TSHZ3: variants seen among roughly 807,000 people sequenced by gnomAD.
TSHZ3 encodes the protein teashirt homolog 3.
TSHZ3 carries 10 observed loss-of-function variants against 64.5 expected under a neutral mutation model. The ratio of observed to expected loss-of-function variants is 0.16; its 90% CI spans 0.10 to 0.26. The LOEUF is 0.26. TSHZ3 is among the 10% of genes least tolerant of loss of function. TSHZ3 has a pLI of 1.00. For synonymous variants in TSHZ3, 608 were observed against 593.1 expected, an observed-to-expected ratio of 1.03 and a Z score of -0.36; for missense variants, 1,242 against 1,421.7, an observed-to-expected ratio of 0.87 and a Z score of 2.03.
At chr19:31,317,933 T>C (rs1916651134) in intron 1 of TSHZ3, among the ~76,000 whole-genome samples, 2 of 152,214 alleles carry the variant, frequency 1.3e-5, no homozygotes, top group Non-Finnish European at 2.9e-5. Flanking sequence ...TGTGTGAACA[T>C]TCGGCTGCAG....
chr19:31,295,707 A>G (rs1183356095), intron 1 of TSHZ3, among the ~76,000 whole-genome samples: 3 of 152,058 alleles, frequency 2.0e-5, no homozygotes, highest in African/African-American at 7.2e-5. Flanking sequence ...TCACCTGGGG[A>G]AAATTCCACC....
At chr19:31,201,614 G>A (rs1297348952) in intron 5 of TSHZ3, among the ~76,000 whole-genome samples, 1 of 152,174 alleles carries the variant, frequency 6.6e-6, no homozygotes, top group Non-Finnish European at 1.5e-5. Flanking sequence ...CCTTTGACTA[G>A]AGTGCAGGAG....
intron 4 of TSHZ3, among the ~76,000 whole-genome samples, chr19:31,218,792 G>A (rs959532908): frequency 6.6e-6 from 1 of 152,188 alleles, no homozygotes; most frequent in African/African-American, 2.4e-5. Context: ...TGGGGTGGGG[G>A]AAGCCAGTGT....
At chr19:31,184,223 T>C (rs1169525342) in intron 5 of TSHZ3, among the ~76,000 whole-genome samples, 1 of 152,220 alleles carries the variant, frequency 6.6e-6, no homozygotes, top group Non-Finnish European at 1.5e-5. Context: ...TTTAAGATAA[T>C]TGTAGGAAAA....
chr19:31,174,944 A>T (rs1032130495), intron 5 of TSHZ3, among the ~76,000 whole-genome samples: 1 of 152,226 alleles, frequency 6.6e-6, no homozygotes, highest in African/African-American at 2.4e-5. Context: ...TTTTATTTTT[A>T]ATCTGGAGCA....
chr19:31,315,428 A>G (rs1247625084), intron 1 of TSHZ3, among the ~76,000 whole-genome samples: 1 of 151,744 alleles, frequency 6.6e-6, no homozygotes, highest in Non-Finnish European at 1.5e-5. Flanking sequence ...AGGAAGCTCT[A>G]CTCCTGGGGG....
chr19:31,162,981 T>G (rs1974390009), intron 5 of TSHZ3, among the ~76,000 whole-genome samples: 1 of 152,176 alleles, frequency 6.6e-6, no homozygotes, highest in South Asian at 2.1e-4. Context: ...AAGCTAGGTC[T>G]CTCTCATTAT....
At chr19:31,301,384 A>C (rs1976754410) in intron 1 of TSHZ3, among the ~76,000 whole-genome samples, 1 of 152,230 alleles carries the variant, frequency 6.6e-6, no homozygotes, top group Non-Finnish European at 1.5e-5. Flanking sequence ...TTAACAGAGC[A>C]AATGACAGGT....
intron 5 of TSHZ3, among the ~76,000 whole-genome samples, chr19:31,186,005 C>T (rs1974802891): frequency 6.6e-6 from 1 of 152,198 alleles, no homozygotes; most frequent in Non-Finnish European, 1.5e-5. Flanking sequence ...AACCATAGGC[C>T]ACTCATTTCT....
intron 3 of TSHZ3, among the ~76,000 whole-genome samples, chr19:31,237,886 C>T (rs980397866): frequency 6.6e-6 from 1 of 151,868 alleles, no homozygotes. Flanking sequence ...TGTTTTATTC[C>T]AAAATGTTTA....
At chr19:31,350,249 A>C (rs2021677289), upstream of TSHZ3, among the ~76,000 whole-genome samples, 3 of 147,722 alleles carry the variant, frequency 2.0e-5, no homozygotes, top group Admixed American at 2.0e-4. Flanking sequence ...GGCAGCCCTC[A>C]GACCCCGCGC....
chr19:31,219,212 T>A (rs115878168), intron 4 of TSHZ3, among the ~76,000 whole-genome samples: 2 of 152,152 alleles, frequency 1.3e-5, no homozygotes, highest in African/African-American at 4.8e-5. Flanking sequence ...ACAAGACACT[T>A]CTCCCAGTGG....
chr19:31,165,089 C>T lies in TSHZ3; in HGVS notation n.810-8672G>A, dbSNP rs189864906. Among the ~76,000 whole-genome samples, 329 of 152,344 alleles carry T rather than the reference C, an allele frequency of 2.2e-3. 4 individuals carry two copies. The highest frequency in any genetic ancestry group is 7.3e-3 in the African/African-American group (303 of 41,586). On this transcript the variant is annotated intron_variant and non_coding_transcript_variant, in intron 5 of 6. Transcript: ENST00000651361. ...GGCGGCTTTGTCACCTGGCCCCTGTCGTCCACCCAGCCCCGGAATCTCCGC... is the reference window on the plus strand; with the variant it reads ...GGCGGCTTTGTCACCTGGCCCCTGTTGTCCACCCAGCCCCGGAATCTCCGC...
At chr19:31,240,687 T>C (rs1287445111) in intron 3 of TSHZ3, among the ~76,000 whole-genome samples, 1 of 152,152 alleles carries the variant, frequency 6.6e-6, no homozygotes, top group African/African-American at 2.4e-5. Flanking sequence ...CACAGGTCCA[T>C]AAGGTTCTGT....
intron 1 of TSHZ3, among the ~76,000 whole-genome samples, chr19:31,323,698 G>T (rs929886800): frequency 1.3e-5 from 2 of 152,078 alleles, no homozygotes; most frequent in Non-Finnish European, 2.9e-5. Flanking sequence ...AGACCAGGAA[G>T]AAGTTGGCTT....
chr19:31,341,630 G>GAC (rs57786287), intron 1 of TSHZ3, among the ~76,000 whole-genome samples: 34,511 of 137,764 alleles, frequency 0.25, 4,748 homozygotes, highest in East Asian at 0.47. Flanking sequence ...CTCTCTCTCT[G>GAC]ACACACACAC....
At chr19:31,213,917 G>A (rs2145161954) in intron 4 of TSHZ3, among the ~76,000 whole-genome samples, 1 of 152,222 alleles carries the variant, frequency 6.6e-6, no homozygotes, top group Admixed American at 6.5e-5. Context: ...TTTGAGAAAA[G>A]TTTTCAAATT....
intron 6 of TSHZ3, among the ~76,000 whole-genome samples, chr19:31,152,118 T>C (rs529958115): frequency 7.2e-5 from 11 of 151,974 alleles, no homozygotes; most frequent in African/African-American, 2.7e-4. Flanking sequence ...AGATGAAGAA[T>C]TCTGCTTAAA....
chr19:31,349,067 TACTC>T, intron 1 of TSHZ3, 109 bp downstream of exon 1: 1 of 1,347,512 alleles, frequency 7.4e-7, no homozygotes, highest in Admixed American at 2.3e-5. Flanking sequence ...CGCCCGGAGT[TACTC>T]AGTGCGGGCA....
Sources: gnomAD v4.1 joint callset for allele counts (sites outside exome capture counted in the v4.1 genomes callset) on GRCh38, gnomAD v4.1.1 for gene constraint, MANE v1.5 for transcripts, NCBI Gene and HGNC (gene_info 2026-07-23, HGNC 2026-07-21) for gene names.